The following MCUR1 variants were observed in gnomAD, a reference collection of about 807,000 sequenced individuals.
MCUR1 encodes the protein mitochondrial calcium uniporter regulator 1, also known as MCU regulator 1.
In MCUR1, 37 loss-of-function variants were observed where a neutral mutation model predicts 42.0. The observed-to-expected ratio is 0.88, with a 90% CI of 0.68 to 1.16. MCUR1 has a LOEUF of 1.16. MCUR1 is among the 50% of genes most tolerant of loss of function. MCUR1 has a pLI of 0.00. For synonymous variants in MCUR1, 229 were observed against 196.2 expected (o/e 1.17, Z -1.40); for missense variants, 469 against 468.4 (o/e 1.00, Z -0.01).
rs554675293 is a variant in MCUR1, at chr6:13,810,993, G to A, written c.415+3022C>T. On this transcript the variant is annotated intron_variant, in intron 1 of 8. Transcript: ENST00000379170. ...GCTATTCTATTTCCTGCAATTGCAT[G>A]CTTAAGCATGGCTTGCTCCCCTTTC... Among the ~76,000 whole-genome samples, 10 of 152,308 alleles carry A rather than the reference G, an allele frequency of 6.6e-5. No homozygotes were observed. In the South Asian group the frequency reaches 1.7e-3, roughly 25 times the overall value.
chr6:13,807,670 A>G (rs533883940), intron 1 of MCUR1, among the ~76,000 whole-genome samples: 3 of 152,310 alleles, frequency 2.0e-5, no homozygotes, highest in African/African-American at 4.8e-5. Flanking sequence ...GGATCATATG[A>G]TAACTCCATG....
chr6:13,810,659 C>T (rs773736476), intron 1 of MCUR1, among the ~76,000 whole-genome samples: 31 of 152,202 alleles, frequency 2.0e-4, no homozygotes, highest in African/African-American at 2.9e-4. Context: ...ACAAATGTGA[C>T]GCTTTGCTGC....
intron 1 of MCUR1, among the ~76,000 whole-genome samples, chr6:13,813,153 G>C (rs1215558154): frequency 6.6e-6 from 1 of 152,210 alleles, no homozygotes; most frequent in Non-Finnish European, 1.5e-5. Flanking sequence ...TAGGTGTGTA[G>C]TAGGCTGTAG....
At position 13,814,337 on chromosome 6, in the gene MCUR1, C is replaced by T. The variant is rs1039408789; in HGVS notation, c.93G>A (p.Pro31=). Residue 31 remains proline (P), a synonymous_variant, in exon 1 of 9, where the codon CCG becomes CCA. Coordinates refer to ENST00000379170, the MANE Select transcript of MCUR1 (RefSeq NM_001031713.4). ...GGCGTGCTGAGGTTTCGCTGCCGCCCGGTCTTCCGCTGAGGCCCACGGGCA... is the reference window on the plus strand; with the variant it reads ...GGCGTGCTGAGGTTTCGCTGCCGCCTGGTCTTCCGCTGAGGCCCACGGGCA... ...LFLPVGLSGR[P]GGSETSARRC... is the part of the protein sequence containing the mutation. The T allele has an allele frequency of 7.9e-6, 12 of 1,511,260 alleles. No individual in the cohort carries two copies. The African/African-American group carries it at 1.4e-4, about 18-fold the overall frequency. 93.6% of individuals were successfully genotyped at this position (1,511,260 alleles called of 1,614,324 possible).
At chr6:13,792,137 C>A in intron 7 of MCUR1, 145 bp from the exon 8 acceptor site, 1 of 651,424 alleles carries the variant, frequency 1.5e-6, no homozygotes, top group Non-Finnish European at 2.7e-6. Flanking sequence ...GTTCTAAAAC[C>A]CTAATTCTAC....
At chr6:13,801,749 C>G (rs1759994594) in intron 3 of MCUR1, among the ~76,000 whole-genome samples, 2 of 152,096 alleles carry the variant, frequency 1.3e-5, no homozygotes, top group South Asian at 4.1e-4. Context: ...ACTTGGGAGG[C>G]TGATGTGGGA....
At chr6:13,798,589 A>G (rs1449528833) in intron 6 of MCUR1, among the ~76,000 whole-genome samples, 1 of 152,184 alleles carries the variant, frequency 6.6e-6, no homozygotes, top group Non-Finnish European at 1.5e-5. Context: ...CATATCTCTA[A>G]TATTTCTGAA....
chr6:13,790,987 T>C, intron 8 of MCUR1, 123 bp from the exon 9 acceptor site: 1 of 645,988 alleles, frequency 1.5e-6, no homozygotes, highest in Non-Finnish European at 2.6e-6. Context: ...TGATGTCCCA[T>C]ATTCCGTGAA....
intron 1 of MCUR1, among the ~76,000 whole-genome samples, chr6:13,810,558 C>G (rs531006032): frequency 2.6e-4 from 39 of 152,298 alleles, no homozygotes; most frequent in African/African-American, 2.4e-4. Flanking sequence ...GAAAGATGCT[C>G]CAGCTGATCA....
Position 13,801,269 on chromosome 6 carries a change from G to A in MCUR1, c.741+19C>T. ...TCTTAATATAATCAACTTTCTAAGT[G>A]TGAGAGGCTCTGTTTTACCTCATTT... On this transcript the variant is annotated intron_variant, in intron 4 of 8. Transcript: ENST00000379170. 1 of 1,496,500 alleles carries A rather than the reference G, an allele frequency of 6.7e-7. No homozygotes were observed. Among genetic ancestry groups the A allele is most frequent in the Non-Finnish European group, 9.3e-7 (1 of 1,075,926 alleles). The allele number at this position is 1,496,500 out of a possible 1,614,324, so 92.7% of individuals were successfully genotyped here.
intron 6 of MCUR1, 39 bp from the exon 7 acceptor site, chr6:13,793,986 C>T (rs1446018261): frequency 2.5e-6 from 4 of 1,580,310 alleles, no homozygotes; most frequent in Non-Finnish European, 3.5e-6. Context: ...TTCTGATCTA[C>T]TCCTCTCTCT....
At chr6:13,808,845 T>C (rs148247374) in intron 1 of MCUR1, among the ~76,000 whole-genome samples, 6 of 152,328 alleles carry the variant, frequency 3.9e-5, no homozygotes, top group African/African-American at 9.6e-5. Context: ...TTCTAATGCA[T>C]TGATCTATGT....
rs111377734 is a variant in MCUR1, at chr6:13,787,787, C to G, written c.*3022G>C. The G allele has an allele frequency of 1.6e-4, 25 of 152,324 alleles. No homozygotes were observed. The highest frequency in any genetic ancestry group is 5.5e-4 in the African/African-American group (23 of 41,552). The allele number at this position is 152,324 out of a possible 1,614,324, so 9.4% of individuals were successfully genotyped here. A position where few individuals can be genotyped will look rare whatever the true frequency, so the allele number is the denominator to read the frequency against. ...AGAAGTTTTGCCAGCCATCTTCCCC[C>G]CTCCTAGTGCTAATGCCTAATTTCC... On this transcript the variant is annotated 3_prime_UTR_variant, in exon 9 of 9. Coordinates refer to ENST00000379170, the MANE Select transcript of MCUR1 (RefSeq NM_001031713.4).
intron 1 of MCUR1, among the ~76,000 whole-genome samples, chr6:13,808,415 A>G (rs1183329678): frequency 6.6e-6 from 1 of 152,204 alleles, no homozygotes; most frequent in Non-Finnish European, 1.5e-5. Context: ...TCTGATTATG[A>G]TTTGAAAATA....
intron 6 of MCUR1, among the ~76,000 whole-genome samples, chr6:13,795,210 AC>A (rs1759829474): frequency 6.6e-6 from 1 of 152,152 alleles, no homozygotes; most frequent in African/African-American, 2.4e-5. Context: ...AGGTTGTAAA[AC>A]CAAGAACAAT....
In MCUR1 at chr6:13,802,252, C is replaced by T. The variant is rs778598639; in HGVS notation, c.630G>A (p.Lys210=). The part of the protein sequence containing the change: ...MDIVYKDMVT[K]MQQEITFQQV... ...ACCCAACAAGGCTAACCTGCTGCAT[C>T]TTGGTGACCATATCTTTGTAGACGA... Residue 210 remains lysine, a synonymous_variant, in exon 3 of 9, where the codon AAG becomes AAA. Coordinates refer to ENST00000379170, the MANE Select transcript of MCUR1 (RefSeq NM_001031713.4). 10 of 1,613,762 alleles carry T rather than the reference C, an allele frequency of 6.2e-6. No individual in the cohort carries two copies. The East Asian group carries it at 2.0e-4, about 32-fold the overall frequency.
chr6:13,790,003 T>C lies in MCUR1; in HGVS notation c.*806A>G, dbSNP rs1016130467. The stretch of plus-strand genomic sequence containing the variant: ...GAAGGTAGACGTGCAGCTGTCTTAT[T>C]AACATGACAACCAACTACAGCTGAA... On this transcript the variant is annotated 3_prime_UTR_variant, in exon 9 of 9. Transcript: ENST00000379170. 4 of 152,236 alleles carry C rather than the reference T, an allele frequency of 2.6e-5. No homozygotes were observed. The highest frequency in any genetic ancestry group is 5.9e-5 in the Non-Finnish European group (4 of 68,040). The allele number at this position is 152,236 out of a possible 1,614,324, so 9.4% of individuals were successfully genotyped here.
At chr6:13,793,997 TCTC>T (rs1450539541) in intron 6 of MCUR1, 50 bp from the exon 7 acceptor site, 5 of 1,546,920 alleles carry the variant, frequency 3.2e-6, no homozygotes, top group Admixed American at 3.3e-5. Context: ...TCCTCTCTCT[TCTC>T]CTTCTCTGGT....
intron 5 of MCUR1, 137 bp from the exon 6 acceptor site, chr6:13,799,041 G>A (rs1759926144): frequency 3.3e-6 from 2 of 597,836 alleles, no homozygotes; most frequent in South Asian, 4.3e-5. Flanking sequence ...AGAGCCAGGG[G>A]CTTCCAGAGA....
Sources: gnomAD v4.1 joint callset for allele counts (sites outside exome capture counted in the v4.1 genomes callset) on GRCh38, gnomAD v4.1.1 for gene constraint, MANE v1.5 for transcripts, NCBI Gene and HGNC (gene_info 2026-07-23, HGNC 2026-07-21) for gene names.